EPG5: variants seen among roughly 807,000 people sequenced by gnomAD.
EPG5 encodes the protein ectopic P granules protein 5 homolog.
EPG5 carries 159 observed loss-of-function variants against 302.7 expected under a neutral mutation model. The observed-to-expected ratio is 0.53, with a 90% CI of 0.46 to 0.60. The LOEUF (loss-of-function observed/expected upper bound fraction) is 0.60, where lower values mean the gene tolerates loss of function less well. EPG5 is among the 20% of genes least tolerant of loss of function. The probability of loss-of-function intolerance (pLI) is 0.00; values close to 1 mark genes in which losing one functional copy is unlikely to be tolerated. For missense variants in EPG5, 2,896 were observed against 3,092.4 expected, an observed-to-expected ratio of 0.94 and a Z score of 1.51; for synonymous variants, 1,158 against 1,136.8, an observed-to-expected ratio of 1.02 and a Z score of -0.37.
chr18:45,933,789 C>G (rs1204658805), intron 11 of EPG5, among the ~76,000 whole-genome samples: 1 of 151,770 alleles, frequency 6.6e-6, no homozygotes, highest in Non-Finnish European at 1.5e-5. Flanking sequence ...GTGATACAGA[C>G]ATTTAAAAAT....
chr18:45,869,686 G>A (rs1026784872), intron 36 of EPG5, among the ~76,000 whole-genome samples: 1 of 152,088 alleles, frequency 6.6e-6, no homozygotes, highest in Non-Finnish European at 1.5e-5. Flanking sequence ...TAGAACAACT[G>A]CCCTCAGCTT....
At chr18:45,945,296 C>T (rs1438403533) in intron 7 of EPG5, among the ~76,000 whole-genome samples, 2 of 152,172 alleles carry the variant, frequency 1.3e-5, no homozygotes, top group Admixed American at 1.3e-4. Flanking sequence ...AGGCTTTTAA[C>T]TATTTGGATG....
In EPG5 at chr18:45,949,584, A is replaced by G. The variant is rs765181007; in HGVS notation, c.1397T>C (p.Val466Ala). ...ILLWLQKLVS[V>A]LQRVGCPGDH... ...TCCAGGACAGCCAACTCTTTGTAGC[A>G]CGGATACCTGAACAATAAAGGTCAT... The change falls in exon 5 of 44, where the codon GTG (valine) becomes GCG (alanine). Residue 466 changes from valine to alanine, a missense_variant. Val to Ala is a moderately conservative substitution (Grantham distance 64). Transcript: ENST00000282041. 6.2e-7 allele frequency: 1 copy of G among 1,605,252 alleles called. No homozygotes were observed. Among genetic ancestry groups the G allele is most frequent in the East Asian group, 2.2e-5 (1 of 44,804 alleles).
chr18:45,914,533 G>A (rs553497257), intron 20 of EPG5, among the ~76,000 whole-genome samples: 1 of 152,340 alleles, frequency 6.6e-6, no homozygotes, highest in South Asian at 2.1e-4. Context: ...TAATAACAAT[G>A]GCCAACACTC....
chr18:45,865,765 C>CAAAAAAAAAAAAAAAAAAAA lies in EPG5; in HGVS notation c.6622-7_6622-6insTTTTTTTTTTTTTTTTTTTT. 7.1e-7 allele frequency: 1 copy of CAAAAAAAAAAAAAAAAAAAA among 1,410,212 alleles called. No homozygotes were observed. The allele number at this position is 1,410,212 out of a possible 1,614,324, so 87.4% of individuals were successfully genotyped here. On this transcript the variant is annotated splice_region_variant and splice_polypyrimidine_tract_variant and intron_variant, in intron 38 of 43. Transcript: ENST00000282041. The stretch of plus-strand genomic sequence containing the variant: ...TGGCATTTTGGAACTGCATCCTGAC[C>CAAAAAAAAAAAAAAAAAAAA]AAAAAAAAAAAAAAAAATCATTCAA...
At chr18:45,890,750 A>G (rs1055695738) in intron 27 of EPG5, among the ~76,000 whole-genome samples, 2 of 152,216 alleles carry the variant, frequency 1.3e-5, no homozygotes, top group East Asian at 3.8e-4. Flanking sequence ...AGGCAGAAGA[A>G]AAGAGAAGAC....
At position 45,934,882 on chromosome 18, in the gene EPG5, G is replaced by C. The variant is rs767560157; in HGVS notation, c.2184C>G (p.His728Gln). 6.2e-7 allele frequency: 1 copy of C among 1,614,166 alleles called. No homozygotes were observed. The highest frequency in any genetic ancestry group is 1.7e-4 in the Middle Eastern group (1 of 6,060). ...QMLWKLFYLM[H>Q]QVESENLQQL... ...GCTGCAGGTTCTCGCTCTCCACCTG[G>C]TGCATGAGGTAGAAGAGCTTCCACA... The change falls in exon 11 of 44, where the codon CAC becomes CAG. Residue 728 changes from histidine (H) to glutamine (Q), a missense_variant. This residue lies in a region of EPG5 where 1,390 missense variants were observed against 1,430.0 expected (regional missense o/e 0.97). Transcript: ENST00000282041.
chr18:45,911,812 A>G (rs1261593995), intron 22 of EPG5, among the ~76,000 whole-genome samples: 1 of 152,206 alleles, frequency 6.6e-6, no homozygotes, highest in African/African-American at 2.4e-5. Flanking sequence ...ATGGTTCGTA[A>G]TAGTGGATGG....
intron 23 of EPG5, among the ~76,000 whole-genome samples, chr18:45,908,502 A>G (rs1354688623): frequency 6.6e-6 from 1 of 152,202 alleles, no homozygotes; most frequent in Non-Finnish European, 1.5e-5. Context: ...TTTCAGAGAA[A>G]ATATTAAGAG....
chr18:45,940,964 G>C (rs1409883727), intron 9 of EPG5, among the ~76,000 whole-genome samples: 2 of 152,208 alleles, frequency 1.3e-5, no homozygotes, highest in Non-Finnish European at 2.9e-5. Context: ...TCCAAGTGGA[G>C]GTGCTCGGTT....
intron 10 of EPG5, 95 bp downstream of exon 10, chr18:45,939,505 C>A: frequency 8.2e-7 from 1 of 1,222,044 alleles, no homozygotes; most frequent in Non-Finnish European, 1.2e-6. Flanking sequence ...CACTAAGAAA[C>A]TATTATAAAA....
At chr18:45,876,612 C>T (rs1308886016) in intron 34 of EPG5, among the ~76,000 whole-genome samples, 1 of 151,894 alleles carries the variant, frequency 6.6e-6, no homozygotes, top group African/African-American at 2.4e-5. Flanking sequence ...AAATTAACAT[C>T]TTTTTACATC....
intron 35 of EPG5, among the ~76,000 whole-genome samples, chr18:45,872,169 T>C (rs2048884393): frequency 2.0e-5 from 3 of 152,248 alleles, no homozygotes; most frequent in African/African-American, 7.2e-5. Flanking sequence ...GTCATTCATG[T>C]AAGTCATTCT....
chr18:45,938,638 T>G (rs1309268029), intron 10 of EPG5, among the ~76,000 whole-genome samples: 1 of 152,154 alleles, frequency 6.6e-6, no homozygotes, highest in Admixed American at 6.5e-5. Flanking sequence ...CCACTTACAT[T>G]TGAAAAGTCC....
In EPG5 at chr18:45,943,226, C is replaced by T. The variant is rs752313168; in HGVS notation, c.1878G>A (p.Val626=). 1 of 1,614,134 alleles carries T rather than the reference C, an allele frequency of 6.2e-7. No homozygotes were observed. Among genetic ancestry groups the T allele is most frequent in the African/African-American group, 1.3e-5 (1 of 75,026 alleles). The change falls in exon 9 of 44, where the codon GTG becomes GTA. Residue 626 remains valine (V), a synonymous_variant. Transcript: ENST00000282041. The part of the protein sequence containing the change: ...FANSLVELLA[V]GLETFNRARY... ...GTGCTCTATTAAAGGTTTCTAACCC[C>T]ACAGCCAGAAGTTCCACTAGTGAGT...
the EPG5 span, among the ~76,000 whole-genome samples, chr18:45,808,443 A>C: frequency 6.6e-6 from 1 of 152,338 alleles, no homozygotes; most frequent in Admixed American, 6.5e-5. Flanking sequence ...ATGTAAAGTT[A>C]AGACAAAGGA....
At position 45,902,280 on chromosome 18, in the gene EPG5, C is replaced by T. The variant is rs542879620; in HGVS notation, c.4475-1113G>A. On this transcript the variant is annotated intron_variant, in intron 25 of 43. Coordinates refer to ENST00000282041, the MANE Select transcript of EPG5 (RefSeq NM_020964.3). Reference sequence around the variant, plus strand: ...CAAATAGGTCAAGTACAGCACTATCCCTTATAGTTAGTGTTTTTCCACTAG... The same window carrying T: ...CAAATAGGTCAAGTACAGCACTATCTCTTATAGTTAGTGTTTTTCCACTAG... Among the ~76,000 whole-genome samples, 235 of 152,252 alleles carry T rather than the reference C, an allele frequency of 1.5e-3. 2 individuals are homozygous for T. Among genetic ancestry groups the T allele is most frequent in the African/African-American group, 5.3e-3 (219 of 41,524 alleles).
At chr18:45,855,708 CAGA>C (rs1372295350) in intron 42 of EPG5, 21 bp from the exon 43 acceptor site, 1 of 1,533,404 alleles carries the variant, frequency 6.5e-7, no homozygotes, top group African/African-American at 1.4e-5. Context: ...AGGGAGAGGT[CAGA>C]AGAAGTAAAT....
intron 14 of EPG5, among the ~76,000 whole-genome samples, chr18:45,925,113 G>A (rs1002834610): frequency 1.3e-5 from 2 of 152,134 alleles, no homozygotes; most frequent in Non-Finnish European, 2.9e-5. Flanking sequence ...CAAATTACAG[G>A]AGAAAAAGGA....
Sources: gnomAD v4.1 joint callset for allele counts (sites outside exome capture counted in the v4.1 genomes callset) on GRCh38, gnomAD v4.1.1 for gene constraint, gnomAD v4.1.1 regional missense constraint, MANE v1.5 for transcripts, NCBI Gene and HGNC (gene_info 2026-07-23, HGNC 2026-07-21) for gene names.